Variants in SMC5 observed in about 807,000 individuals in gnomAD.
SMC5 encodes structural maintenance of chromosomes 5.
A neutral mutation model predicts 148.3 loss-of-function variants in SMC5; 88 were observed. The observed-to-expected ratio is 0.59, with a 90% CI of 0.50 to 0.71. The LOEUF (loss-of-function observed/expected upper bound fraction) is 0.71, where lower values mean the gene tolerates loss of function less well. Ranked by LOEUF, SMC5 falls within the 30% of genes least tolerant of loss-of-function variation. The pLI is 0.00. For synonymous variants in SMC5, 421 were observed against 432.8 expected (o/e 0.97, Z 0.34); for missense variants, 1,142 against 1,298.9 (o/e 0.88, Z 1.86).
At chr9:70,296,573 A>T (rs751081377) in intron 8 of SMC5, among the ~76,000 whole-genome samples, 25 of 152,044 alleles carry the variant, frequency 1.6e-4, no homozygotes, top group Non-Finnish European at 1.8e-4. Context: ...AAAAGGTAAA[A>T]GTTTAAGGAC....
rs2035726784 is a variant in SMC5 at position 70,313,926 on chromosome 9, C to CTT, written c.1579-815_1579-814insTT. ...CTTAGCTGGATTTAAACTCCAAACT[C>CTT]TGTCTCTCAAGCAATGGACAGCAAC... is the stretch of plus-strand genomic sequence containing the variant. On this transcript the variant is annotated intron_variant, in intron 11 of 24. Coordinates refer to ENST00000361138, the MANE Select transcript of SMC5 (RefSeq NM_015110.4). Among the ~76,000 whole-genome samples the CTT allele has an allele frequency of 2.6e-5, 4 of 152,280 alleles. No homozygotes were observed. The South Asian group carries it at 8.3e-4, about 32-fold the overall frequency.
chr9:70,325,002 C>T (rs921388035), intron 17 of SMC5, among the ~76,000 whole-genome samples: 2 of 152,078 alleles, frequency 1.3e-5, no homozygotes, highest in African/African-American at 4.8e-5. Context: ...CTTCAGTACT[C>T]GGGTTTCTTA....
rs1438997944 is a variant in SMC5 at position 70,277,493 on chromosome 9, A to G, written c.543+21A>G. 1.9e-6 allele frequency: 3 copies of G among 1,554,510 alleles called. No individual in the cohort carries two copies. In the African/African-American group the frequency reaches 4.2e-5, roughly 22 times the overall value. Reference sequence around the variant, plus strand: ...CTCAGGTATGAGAGAAATAAATGTAAAGATGGGAAAATTTTGTATATAGTG... The same window carrying G: ...CTCAGGTATGAGAGAAATAAATGTAGAGATGGGAAAATTTTGTATATAGTG... On this transcript the variant is annotated intron_variant, in intron 4 of 24. Transcript: ENST00000361138.
At chr9:70,277,993 T>C (rs760111640) in intron 4 of SMC5, among the ~76,000 whole-genome samples, 25 of 150,694 alleles carry the variant, frequency 1.7e-4, no homozygotes, top group Non-Finnish European at 3.4e-4. Context: ...CATTAACTAA[T>C]ATTAATTTCT....
At chr9:70,281,039 A>G (rs1417939148) in intron 6 of SMC5, 140 bp downstream of exon 6, 4 of 881,606 alleles carry the variant, frequency 4.5e-6, no homozygotes, top group South Asian at 1.6e-5. Context: ...AATAAAATTC[A>G]TGTCTTTTTT....
intron 7 of SMC5, among the ~76,000 whole-genome samples, chr9:70,283,841 T>A (rs2034823386): frequency 1.3e-5 from 2 of 152,238 alleles, no homozygotes; most frequent in Admixed American, 6.5e-5. Context: ...TTTTAAAGAT[T>A]GTGTTTTATT....
At chr9:70,338,636 A>G (rs1389443137) in intron 17 of SMC5, among the ~76,000 whole-genome samples, 2 of 152,264 alleles carry the variant, frequency 1.3e-5, no homozygotes, top group East Asian at 1.9e-4. Context: ...TCCAACTTCT[A>G]GCCTTTTTTA....
chr9:70,325,255 A>G (rs972130582), intron 17 of SMC5, among the ~76,000 whole-genome samples: 5 of 152,152 alleles, frequency 3.3e-5, no homozygotes, highest in Non-Finnish European at 5.9e-5. Context: ...AGACTTTCCT[A>G]TTGCTCAATT....
At chr9:70,337,708 G>A (rs1024998076) in intron 17 of SMC5, among the ~76,000 whole-genome samples, 1 of 151,830 alleles carries the variant, frequency 6.6e-6, no homozygotes, top group Admixed American at 6.6e-5. Flanking sequence ...CACCCGCCTC[G>A]GCCTCCCAAA....
chr9:70,270,178 A>T (rs1204847297), intron 3 of SMC5, among the ~76,000 whole-genome samples: 2 of 152,230 alleles, frequency 1.3e-5, no homozygotes, highest in South Asian at 2.1e-4. Context: ...TGAGGTTCTC[A>T]GGACCCCTTT....
chr9:70,335,246 C>G (rs915760234), intron 17 of SMC5, among the ~76,000 whole-genome samples: 1 of 152,112 alleles, frequency 6.6e-6, no homozygotes, highest in African/African-American at 2.4e-5. Flanking sequence ...AATCCCAGCA[C>G]TTTAGGAGGC....
Position 70,326,596 on chromosome 9 carries a change from C to CT in SMC5, c.2397+2469dup, listed in dbSNP as rs551424297. ...AAAAATTACAATGATAAACCAGAAT[C>CT]TTTTTTTTTTTTTTTTAATTTTTTT... On this transcript the variant is annotated intron_variant, in intron 17 of 24. Transcript: ENST00000361138. 5.0e-3 allele frequency among the ~76,000 whole-genome samples: 630 copies of CT among 126,566 alleles called. 3 individuals are homozygous for CT. The highest frequency in any genetic ancestry group is 0.013 in the South Asian group (51 of 3,964). 83.0% of individuals were successfully genotyped at this position (126,566 alleles called of 152,430 possible).
chr9:70,325,385 T>C (rs917536734), intron 17 of SMC5, among the ~76,000 whole-genome samples: 2 of 152,180 alleles, frequency 1.3e-5, no homozygotes, highest in Non-Finnish European at 2.9e-5. Context: ...ACTAGCATGG[T>C]ATCAGCAAGG....
chr9:70,282,387 G>T, intron 6 of SMC5, 35 bp from the exon 7 acceptor site: 1 of 1,556,272 alleles, frequency 6.4e-7, no homozygotes. Context: ...GTTTAAGGTA[G>T]GGCATTAACT....
chr9:70,337,700 C>T (rs187560780), intron 17 of SMC5, among the ~76,000 whole-genome samples: 36 of 152,166 alleles, frequency 2.4e-4, no homozygotes, highest in African/African-American at 6.7e-4. Context: ...AAATGATCCA[C>T]CCGCCTCGGC....
rs1330230036 is a variant in SMC5, at chr9:70,267,052, C to T, written c.328-871C>T. On this transcript the variant is annotated intron_variant, in intron 2 of 24. Transcript: ENST00000361138. The stretch of plus-strand genomic sequence containing the variant: ...TAAGGCTTTTTTTTTTTTTTTTCTC[C>T]CATCTTTCTGGGACTCAGCTTTATT... Among the ~76,000 whole-genome samples, 8 of 147,808 alleles carry T rather than the reference C, an allele frequency of 5.4e-5. No homozygotes were observed. In the South Asian group the frequency reaches 1.3e-3, roughly 24 times the overall value.
chr9:70,322,305 A>G (rs895391562), intron 15 of SMC5, among the ~76,000 whole-genome samples: 12 of 152,186 alleles, frequency 7.9e-5, no homozygotes, highest in Non-Finnish European at 1.8e-4. Flanking sequence ...CAATTGCTGT[A>G]TTGAACCCAT....
At chr9:70,292,625 T>G (rs569729512) in intron 8 of SMC5, among the ~76,000 whole-genome samples, 2 of 152,284 alleles carry the variant, frequency 1.3e-5, no homozygotes, top group Admixed American at 1.3e-4. Context: ...CAGTATGTAA[T>G]AATAGCAGGT....
Position 70,297,990 on chromosome 9 carries a change from A to G in SMC5, c.1078A>G (p.Ile360Val), listed in dbSNP as rs771675765. ...GATTGAGGAACTTCAGCAGGCTTTA[A>G]TAGTAAAGCAAAATGAAGAGCTTGA... ...KHIEELQQAL[I>V]VKQNEELDRQ... Residue 360 changes from isoleucine to valine, a missense_variant, in exon 9 of 25, where the codon ATA becomes GTA. Physicochemically the swap from Ile to Val is conservative, Grantham distance 29. Transcript: ENST00000361138. 1.9e-6 allele frequency: 3 copies of G among 1,613,580 alleles called. No individual in the cohort carries two copies. The highest frequency in any genetic ancestry group is 3.3e-5 in the Admixed American group (2 of 59,950).
Sources: allele counts gnomAD v4.1 joint callset (sites outside exome capture counted in the v4.1 genomes callset), GRCh38; gene constraint gnomAD v4.1.1; transcripts MANE v1.5; gene names NCBI Gene and HGNC (gene_info 2026-07-23, HGNC 2026-07-21).